The following RAPGEF6 variants were observed in gnomAD, a reference collection of about 807,000 sequenced individuals.
RAPGEF6 encodes PDZ domain containing guanine nucleotide exchange factor (GEF) 2.
Under a neutral mutation model 171.4 loss-of-function variants are expected in RAPGEF6, and 56 were observed. The ratio of observed to expected loss-of-function variants is 0.33; its 90% CI spans 0.26 to 0.41. The LOEUF is 0.41. Among genes scored for constraint, RAPGEF6 ranks in the 10% least tolerant of loss-of-function variants. The probability of loss-of-function intolerance (pLI) is 1.00; values close to 1 mark genes in which losing one functional copy is unlikely to be tolerated. For synonymous variants in RAPGEF6, 692 were observed against 650.1 expected (o/e 1.06, Z -0.98); for missense variants, 1,674 against 1,921.4 (o/e 0.87, Z 2.41).
Position 131,510,303 on chromosome 5 carries a change from A to G in RAPGEF6, c.805+11T>C, listed in dbSNP as rs1048707430. On this transcript the variant is annotated intron_variant, in intron 8 of 27. Transcript: ENST00000509018. Reference sequence around the variant, plus strand: ...TTACAAATTCTTATTGTGAACACATATATTTCTTACCAATGTCATCATCAG... The same window carrying G: ...TTACAAATTCTTATTGTGAACACATGTATTTCTTACCAATGTCATCATCAG... 3 of 1,608,554 alleles carry G rather than the reference A, an allele frequency of 1.9e-6. No individual in the cohort carries two copies. Among genetic ancestry groups the G allele is most frequent in the Non-Finnish European group, 2.5e-6 (3 of 1,177,914 alleles).
At chr5:131,565,803 C>T (rs1468851922) in intron 4 of RAPGEF6, among the ~76,000 whole-genome samples, 1 of 152,080 alleles carries the variant, frequency 6.6e-6, no homozygotes, top group Non-Finnish European at 1.5e-5. Flanking sequence ...GAAACAAAGG[C>T]AGTGGGGGAT....
chr5:131,570,854 G>A (rs1009941179), intron 4 of RAPGEF6, among the ~76,000 whole-genome samples: 5 of 151,834 alleles, frequency 3.3e-5, no homozygotes, highest in African/African-American at 7.3e-5. Flanking sequence ...CCAGATAAAG[G>A]TCATCTATGA....
chr5:131,548,613 T>C (rs566367509), intron 5 of RAPGEF6, among the ~76,000 whole-genome samples: 1 of 152,236 alleles, frequency 6.6e-6, no homozygotes, highest in African/African-American at 2.4e-5. Context: ...CTTTATGCAA[T>C]ATTCTTTAAT....
chr5:131,548,703 T>C (rs1327877361), intron 5 of RAPGEF6, among the ~76,000 whole-genome samples: 1 of 152,216 alleles, frequency 6.6e-6, no homozygotes, highest in East Asian at 1.9e-4. Context: ...AATTAACATT[T>C]GTTAGGAGTT....
chr5:131,529,583 G>A (rs1340626781), intron 6 of RAPGEF6, among the ~76,000 whole-genome samples: 3 of 151,628 alleles, frequency 2.0e-5, no homozygotes, highest in Non-Finnish European at 2.9e-5. Context: ...GCAATCCAGG[G>A]CAAAACTTCA....
intron 6 of RAPGEF6, among the ~76,000 whole-genome samples, chr5:131,528,923 C>T (rs1224405070): frequency 6.6e-6 from 1 of 152,054 alleles, no homozygotes; most frequent in Non-Finnish European, 1.5e-5. Context: ...AAAGAAATGA[C>T]CTGCAGCTTT....
intron 16 of RAPGEF6, 96 bp downstream of exon 16, chr5:131,479,417 A>C: frequency 7.3e-7 from 1 of 1,364,278 alleles, no homozygotes; most frequent in Non-Finnish European, 1.0e-6. Flanking sequence ...TTAGTTATAT[A>C]ACAAAGCAAA....
chr5:131,437,140 T>A (rs1048011715), intron 24 of RAPGEF6, among the ~76,000 whole-genome samples: 1 of 152,200 alleles, frequency 6.6e-6, no homozygotes, highest in Non-Finnish European at 1.5e-5. Flanking sequence ...GGGGTTTTGA[T>A]AGTACACATG....
chr5:131,597,672 G>A (rs1367797796), intron 3 of RAPGEF6, among the ~76,000 whole-genome samples: 1 of 152,116 alleles, frequency 6.6e-6, no homozygotes, highest in African/African-American at 2.4e-5. Flanking sequence ...CCATAGAAGT[G>A]GAGTAGAACT....
chr5:131,463,787 T>C, intron 18 of RAPGEF6: 1 of 1,093,336 alleles, frequency 9.1e-7, no homozygotes. Context: ...TATAAATTAG[T>C]AGATACAGTC....
chr5:131,599,131 T>C (rs1764076360), intron 3 of RAPGEF6, among the ~76,000 whole-genome samples: 1 of 152,112 alleles, frequency 6.6e-6, no homozygotes, highest in Non-Finnish European at 1.5e-5. Flanking sequence ...GCCAACGTGG[T>C]GAAACCCCGT....
At chr5:131,613,517 C>A (rs1290709040) in intron 1 of RAPGEF6, among the ~76,000 whole-genome samples, 1 of 151,836 alleles carries the variant, frequency 6.6e-6, no homozygotes, top group Non-Finnish European at 1.5e-5. Context: ...AATAAAGGGC[C>A]AAATAGTAAA....
intron 3 of RAPGEF6, among the ~76,000 whole-genome samples, chr5:131,597,389 A>G (rs1763964965): frequency 6.6e-6 from 1 of 152,206 alleles, no homozygotes; most frequent in African/African-American, 2.4e-5. Context: ...AAATGAAATC[A>G]GTATGTTACA....
chr5:131,462,100 A>G lies in RAPGEF6; in HGVS notation c.2481-12T>C. 1 of 1,453,872 alleles carries G rather than the reference A, an allele frequency of 6.9e-7. No homozygotes were observed. 90.1% of individuals were successfully genotyped at this position (1,453,872 alleles called of 1,614,324 possible). On this transcript the variant is annotated splice_polypyrimidine_tract_variant and intron_variant, in intron 18 of 27. Transcript: ENST00000509018. ...TTTTTAAGTAATACCTAAATGGAAA[A>G]ATTTTTTTAAATAAATGTATTCATA...
intron 6 of RAPGEF6, among the ~76,000 whole-genome samples, chr5:131,543,131 G>C (rs547953531): frequency 2.0e-5 from 3 of 152,168 alleles, no homozygotes; most frequent in African/African-American, 7.2e-5. Context: ...CTGATGGTAG[G>C]CCATAAACAG....
intron 22 of RAPGEF6, among the ~76,000 whole-genome samples, chr5:131,445,177 T>C (rs1385912252): frequency 6.6e-6 from 1 of 152,214 alleles, no homozygotes; most frequent in African/African-American, 2.4e-5. Flanking sequence ...TTCGTAGGTA[T>C]TCTTTCCATC....
At chr5:131,518,252 A>G (rs922550503) in intron 7 of RAPGEF6, among the ~76,000 whole-genome samples, 12 of 151,956 alleles carry the variant, frequency 7.9e-5, no homozygotes. Context: ...GATATAAAAA[A>G]TATATAAGTA....
chr5:131,525,898 C>T (rs1474210575), intron 6 of RAPGEF6, among the ~76,000 whole-genome samples: 1 of 152,156 alleles, frequency 6.6e-6, no homozygotes, highest in African/African-American at 2.4e-5. Flanking sequence ...GAGCAATCTT[C>T]ACCCTCACTA....
At position 131,424,807 on chromosome 5, in the gene RAPGEF6, C is replaced by T. The variant is rs1232440995; in HGVS notation, c.*2459G>A. On this transcript the variant is annotated 3_prime_UTR_variant, in exon 28 of 28. Coordinates refer to ENST00000509018, the MANE Select transcript of RAPGEF6 (RefSeq NM_016340.6). Reference sequence around the variant, plus strand: ...ACTTACTATTTGGCAAAAGTTTGCACTGAGCGTTAACTGCTTCAACAGTCT... The same window carrying T: ...ACTTACTATTTGGCAAAAGTTTGCATTGAGCGTTAACTGCTTCAACAGTCT... The T allele has an allele frequency of 6.6e-6, 1 of 152,298 alleles. No homozygotes were observed. The highest frequency in any genetic ancestry group is 1.5e-5 in the Non-Finnish European group (1 of 68,024). 9.4% of individuals were successfully genotyped at this position (152,298 alleles called of 1,614,324 possible). A position where few individuals can be genotyped will look rare whatever the true frequency, so the allele number is the denominator to read the frequency against.
Sources: gnomAD v4.1 joint callset for allele counts (sites outside exome capture counted in the v4.1 genomes callset) on GRCh38, gnomAD v4.1.1 for gene constraint, MANE v1.5 for transcripts, NCBI Gene and HGNC (gene_info 2026-07-23, HGNC 2026-07-21) for gene names.